The following BORCS5 variants were observed in gnomAD, a reference collection of about 807,000 sequenced individuals.
The protein encoded by BORCS5 is BLOC-1-related complex subunit 5.
A neutral mutation model predicts 22.1 loss-of-function variants in BORCS5; 17 were observed. The ratio of observed to expected loss-of-function variants is 0.77; its 90% confidence interval spans 0.53 to 1.15. The LOEUF (loss-of-function observed/expected upper bound fraction) is 1.15. BORCS5 is among the 50% of genes most tolerant of loss of function. The pLI is 0.00. For missense variants in BORCS5, 247 were observed against 253.2 expected (o/e 0.98, Z 0.17); for synonymous variants, 117 against 99.8 (o/e 1.17, Z -1.03).
intron 2 of BORCS5, among the ~76,000 whole-genome samples, chr12:12,378,017 G>A (rs1430278578): frequency 6.6e-6 from 1 of 152,186 alleles, no homozygotes; most frequent in East Asian, 1.9e-4. Flanking sequence ...CAAAACAATA[G>A]CACTTGAAGA....
At chr12:12,453,024 A>G (rs1942940038) in intron 3 of BORCS5, among the ~76,000 whole-genome samples, 1 of 152,212 alleles carries the variant, frequency 6.6e-6, no homozygotes, top group Admixed American at 6.5e-5. Flanking sequence ...CCATGAGTCA[A>G]AGACCAAATC....
chr12:12,363,347 C>T (rs1223321732), intron 2 of BORCS5, among the ~76,000 whole-genome samples: 2 of 150,754 alleles, frequency 1.3e-5, no homozygotes, highest in African/African-American at 4.9e-5. Context: ...TGCCTATAAT[C>T]CCAGCACTTT....
intron 2 of BORCS5, among the ~76,000 whole-genome samples, chr12:12,385,558 A>T (rs1399654623): frequency 2.7e-5 from 4 of 149,846 alleles, no homozygotes; most frequent in Admixed American, 2.7e-4. Context: ...CACTCAGGCT[A>T]GAGTGCGGTG....
intron 2 of BORCS5, 106 bp downstream of exon 2, chr12:12,361,455 G>T: frequency 1.6e-6 from 2 of 1,283,272 alleles, no homozygotes; most frequent in Non-Finnish European, 2.2e-6. Context: ...TCTCCTTTAG[G>T]TCTTTGCTTA....
At chr12:12,381,285 T>C (rs1863770280) in intron 2 of BORCS5, among the ~76,000 whole-genome samples, 1 of 151,404 alleles carries the variant, frequency 6.6e-6, no homozygotes, top group Non-Finnish European at 1.5e-5. Flanking sequence ...GTTCAGTGTA[T>C]CAATATTTTT....
intron 2 of BORCS5, among the ~76,000 whole-genome samples, chr12:12,363,785 C>T (rs1592052099): frequency 1.3e-5 from 2 of 152,044 alleles, no homozygotes; most frequent in South Asian, 4.1e-4. Context: ...GTAAACCCAG[C>T]TACTCAGGAG....
chr12:12,395,522 A>G lies in BORCS5; in HGVS notation c.202+34173A>G, dbSNP rs578206749. On this transcript the variant is annotated intron_variant, in intron 2 of 3. Transcript: ENST00000314565. ...GGCTGATCTCGAACTCCCGACCTCA[A>G]GTGATCCACCTGCCTTGGCCTCCCA... Among the ~76,000 whole-genome samples the G allele has an allele frequency of 6.0e-5, 9 of 150,022 alleles. No individual in the cohort carries two copies. In the South Asian group the frequency reaches 1.7e-3, roughly 28 times the overall value.
rs547154636 is a variant in BORCS5 at position 12,433,230 on chromosome 12, G to A, written c.203-2398G>A. On this transcript the variant is annotated intron_variant, in intron 2 of 3. Transcript: ENST00000314565. The stretch of plus-strand genomic sequence containing the variant: ...CATGCCTGTAATCCCAGCTACTCAG[G>A]GGCCTTGTTCAATTGCTTGAACAAG... Among the ~76,000 whole-genome samples, 16 of 150,982 alleles carry A rather than the reference G, an allele frequency of 1.1e-4. No individual in the cohort carries two copies. The South Asian group carries it at 3.3e-3, about 32-fold the overall frequency.
chr12:12,454,370 T>C (rs1942963879), intron 3 of BORCS5, among the ~76,000 whole-genome samples: 1 of 152,256 alleles, frequency 6.6e-6, no homozygotes, highest in African/African-American at 2.4e-5. Flanking sequence ...ATTTGAGCCA[T>C]CCCAGTGGGT....
At chr12:12,407,976 T>C (rs1323775221) in intron 2 of BORCS5, among the ~76,000 whole-genome samples, 4 of 152,172 alleles carry the variant, frequency 2.6e-5, no homozygotes, top group African/African-American at 9.7e-5. Context: ...TCCCAAATGC[T>C]GGGGTTACAG....
rs1943190473 is a variant in BORCS5 at position 12,465,754 on chromosome 12, C to G, written c.569C>G (p.Pro190Arg). 1 of 1,613,280 alleles carries G rather than the reference C, an allele frequency of 6.2e-7. No homozygotes were observed. The highest frequency in any genetic ancestry group is 8.5e-7 in the Non-Finnish European group (1 of 1,179,846). The change falls in exon 4 of 4, where the codon CCC (proline) becomes CGC (arginine). Residue 190 changes from proline (P) to arginine (R), a missense_variant. By Grantham distance (103) the Pro-to-Arg change is moderately radical (BLOSUM62 -2). Transcript: ENST00000314565. ...CGGCTGGAGCCCTTCAGCATGAAGC[C>G]CGACCGCGAGCTCAGGCTGTAGCTG... Reference protein sequence around the residue: ...GERLEPFSMKPDRELRL With the variant: ...GERLEPFSMKRDRELRL
At chr12:12,424,301 C>T (rs1207312342) in intron 2 of BORCS5, among the ~76,000 whole-genome samples, 3 of 152,176 alleles carry the variant, frequency 2.0e-5, no homozygotes, top group African/African-American at 7.2e-5. Context: ...ATTCTTTCTT[C>T]TGCCTGCTCA....
chr12:12,457,897 C>T (rs1943027592), intron 3 of BORCS5, among the ~76,000 whole-genome samples: 1 of 152,196 alleles, frequency 6.6e-6, no homozygotes, highest in Non-Finnish European at 1.5e-5. Flanking sequence ...TGTACAGCCT[C>T]AGTGGGCATC....
intron 3 of BORCS5, among the ~76,000 whole-genome samples, chr12:12,446,648 C>A (rs11836180): frequency 0.026 from 3,893 of 152,292 alleles, 169 homozygotes; most frequent in African/African-American, 0.091. Flanking sequence ...GTCCCTAAAG[C>A]TTGAAGCAGC....
intron 2 of BORCS5, among the ~76,000 whole-genome samples, chr12:12,371,016 T>C (rs1164005513): frequency 6.6e-6 from 1 of 152,214 alleles, no homozygotes; most frequent in South Asian, 2.1e-4. Flanking sequence ...CCCAAAGTGC[T>C]GGGATTACAG....
chr12:12,420,214 A>AT (rs1251351288), intron 2 of BORCS5, among the ~76,000 whole-genome samples: 2 of 143,722 alleles, frequency 1.4e-5, no homozygotes, highest in African/African-American at 5.5e-5. Context: ...TTTTGAATTA[A>AT]TTTTTGTATA....
At chr12:12,441,384 C>G (rs1184713521) in intron 3 of BORCS5, among the ~76,000 whole-genome samples, 1 of 152,196 alleles carries the variant, frequency 6.6e-6, no homozygotes, top group Non-Finnish European at 1.5e-5. Flanking sequence ...CCTGTGTGAC[C>G]TCAGGCAAGT....
At chr12:12,377,845 AG>A (rs1863688910) in intron 2 of BORCS5, among the ~76,000 whole-genome samples, 1 of 152,208 alleles carries the variant, frequency 6.6e-6, no homozygotes, top group Non-Finnish European at 1.5e-5. Context: ...CCAAGGTTTA[AG>A]GATAGGAAAA....
intron 2 of BORCS5, among the ~76,000 whole-genome samples, chr12:12,434,209 G>A (rs1942501204): frequency 6.7e-6 from 1 of 149,632 alleles, no homozygotes; most frequent in South Asian, 2.1e-4. Context: ...CTTGGGTCCA[G>A]GAGGTCGAGG....
Sources: allele counts gnomAD v4.1 joint callset (sites outside exome capture counted in the v4.1 genomes callset), GRCh38; gene constraint gnomAD v4.1.1; transcripts MANE v1.5; gene names NCBI Gene and HGNC (gene_info 2026-07-23, HGNC 2026-07-21).